The following GABRB1 variants were observed in gnomAD, a reference collection of about 807,000 sequenced individuals.
GABRB1 encodes the protein gamma-aminobutyric acid type A receptor subunit beta1.
In GABRB1, 17 loss-of-function variants were observed where a neutral mutation model predicts 51.6. The ratio of observed to expected loss-of-function variants is 0.33; its 90% CI spans 0.23 to 0.49. The LOEUF (loss-of-function observed/expected upper bound fraction) is 0.49, where lower values mean the gene tolerates loss of function less well. Among genes scored for constraint, GABRB1 ranks in the 20% least tolerant of loss-of-function variants. The pLI is 0.99. For synonymous variants in GABRB1, 247 were observed against 218.9 expected (o/e 1.13, Z -1.14); for missense variants, 410 against 600.6 (o/e 0.68, Z 3.32).
chr4:47,243,790 C>G (rs566648226), intron 4 of GABRB1, among the ~76,000 whole-genome samples: 18 of 152,266 alleles, frequency 1.2e-4, no homozygotes, highest in African/African-American at 4.3e-4. Context: ...TGGGCTGAGA[C>G]AATGGGGTTT....
Position 47,066,955 on chromosome 4 carries a change from T to G in GABRB1, c.240+34471T>G, listed in dbSNP as rs150089061. 2.4e-3 allele frequency among the ~76,000 whole-genome samples: 371 copies of G among 152,272 alleles called. 3 individuals carry two copies. The highest frequency in any genetic ancestry group is 7.9e-3 in the African/African-American group (329 of 41,558). On this transcript the variant is annotated intron_variant, in intron 3 of 8. Coordinates refer to ENST00000295454, the MANE Select transcript of GABRB1 (RefSeq NM_000812.4). ...CTGGTAGCTATAATATTACAAAATG[T>G]TTTCTTAGATAATAGGACTTGAAAC...
intron 4 of GABRB1, among the ~76,000 whole-genome samples, chr4:47,294,116 T>C (rs1453316890): frequency 6.6e-6 from 1 of 151,996 alleles, no homozygotes; most frequent in Admixed American, 6.6e-5. Flanking sequence ...ATTATCTAGG[T>C]GGGGGGCAGC....
intron 4 of GABRB1, among the ~76,000 whole-genome samples, chr4:47,210,848 C>T (rs1156837965): frequency 2.0e-5 from 3 of 152,166 alleles, no homozygotes; most frequent in East Asian, 1.9e-4. Context: ...GAGACAGCCA[C>T]GGGGGCTATA....
rs1406248788 is a variant in GABRB1, at chr4:47,001,238, G to A, written c.-20+7312G>A. 3.9e-5 allele frequency among the ~76,000 whole-genome samples: 6 copies of A among 152,114 alleles called. No homozygotes were observed. The South Asian group carries it at 8.3e-4, about 21-fold the overall frequency. On this transcript the variant is annotated intron_variant, in intron 1 of 3. Coordinates refer to the GABRB1 transcript ENST00000513567. ...GCTCACTGCAAGCTCCGCCTCCCGG[G>A]TTCACGCCATTCTCCTGCCTCAGCC...
chr4:47,077,149 G>C (rs1295248222), intron 3 of GABRB1, among the ~76,000 whole-genome samples: 1 of 152,172 alleles, frequency 6.6e-6, no homozygotes, highest in Non-Finnish European at 1.5e-5. Context: ...CCACACATCT[G>C]AAAGTGAAAT....
chr4:47,006,861 A>G (rs1433618043), intron 1 of GABRB1, among the ~76,000 whole-genome samples: 6 of 152,196 alleles, frequency 3.9e-5, no homozygotes, highest in African/African-American at 1.4e-4. Context: ...TACTTAAAAG[A>G]GATAAACTTT....
At chr4:47,353,322 A>C (rs1485009113) in intron 5 of GABRB1, among the ~76,000 whole-genome samples, 1 of 152,236 alleles carries the variant, frequency 6.6e-6, no homozygotes, top group Non-Finnish European at 1.5e-5. Context: ...TGTTTTCTCC[A>C]TCAGTGAAGT....
intron 5 of GABRB1, among the ~76,000 whole-genome samples, chr4:47,328,340 T>G (rs1195565933): frequency 7.2e-5 from 11 of 152,228 alleles, no homozygotes; most frequent in South Asian, 2.1e-4. Flanking sequence ...GTCAATTTTG[T>G]CTTTTGTTGC....
At position 47,376,149 on chromosome 4, in the gene GABRB1, T is replaced by C. The variant is rs548163346; in HGVS notation, c.545-27169T>C. Among the ~76,000 whole-genome samples the C allele has an allele frequency of 1.8e-4, 28 of 152,286 alleles. No individual in the cohort carries two copies. The South Asian group carries it at 4.4e-3, about 24-fold the overall frequency. ...AGACTAAAATGTTCCCAAAGGAACA[T>C]TGGAGTTTTGGGTTTGATTGAAAAC... On this transcript the variant is annotated intron_variant, in intron 5 of 8. Coordinates refer to ENST00000295454, the MANE Select transcript of GABRB1 (RefSeq NM_000812.4).
intron 4 of GABRB1, among the ~76,000 whole-genome samples, chr4:47,268,549 C>A (rs1417745355): frequency 1.3e-5 from 2 of 152,104 alleles, no homozygotes; most frequent in Admixed American, 6.5e-5. Context: ...GTAAGAGTAT[C>A]ATTTAATTTT....
intron 5 of GABRB1, among the ~76,000 whole-genome samples, chr4:47,363,019 C>CGCGTGTGTGT (rs1726860903): frequency 8.4e-6 from 1 of 118,946 alleles, no homozygotes; most frequent in Non-Finnish European, 1.9e-5. Flanking sequence ...AGTGTCTAAG[C>CGCGTGTGTGT]GTGTGTGTGT....
intron 4 of GABRB1, among the ~76,000 whole-genome samples, chr4:47,178,650 T>G (rs1410604178): frequency 1.3e-5 from 2 of 152,146 alleles, no homozygotes; most frequent in African/African-American, 4.8e-5. Context: ...GTCATTTTTA[T>G]TCACCCCATA....
At chr4:47,241,163 T>A (rs1395196650) in intron 4 of GABRB1, among the ~76,000 whole-genome samples, 1 of 152,154 alleles carries the variant, frequency 6.6e-6, no homozygotes, top group African/African-American at 2.4e-5. Flanking sequence ...GTAAAAAAAA[T>A]AAAACCTGAA....
chr4:47,173,332 G>A (rs1264029441), intron 4 of GABRB1, among the ~76,000 whole-genome samples: 5 of 152,112 alleles, frequency 3.3e-5, no homozygotes, highest in Non-Finnish European at 7.4e-5. Context: ...CCGTATATAT[G>A]TTATTTACAT....
At chr4:47,127,732 G>C (rs914396256) in intron 3 of GABRB1, among the ~76,000 whole-genome samples, 1 of 151,740 alleles carries the variant, frequency 6.6e-6, no homozygotes, top group African/African-American at 2.4e-5. Flanking sequence ...ATAATCTTAG[G>C]GAAGTATATA....
chr4:47,024,115 TG>T (rs1202798719), intron 1 of GABRB1, among the ~76,000 whole-genome samples: 1 of 151,994 alleles, frequency 6.6e-6, no homozygotes, highest in East Asian at 1.9e-4. Context: ...TCTTAGTTTT[TG>T]TTGTTGTTTT....
At chr4:47,166,453 A>C (rs1322108288) in intron 4 of GABRB1, among the ~76,000 whole-genome samples, 1 of 152,070 alleles carries the variant, frequency 6.6e-6, no homozygotes, top group African/African-American at 2.4e-5. Context: ...TTCACTCAAT[A>C]AATAGCAAAT....
At chr4:47,169,347 T>C (rs1037180752) in intron 4 of GABRB1, among the ~76,000 whole-genome samples, 13 of 152,170 alleles carry the variant, frequency 8.5e-5, no homozygotes, top group Non-Finnish European at 1.8e-4. Context: ...TCTAAACAAG[T>C]TATTTTCCAT....
chr4:47,215,845 T>G (rs1400325899), intron 4 of GABRB1, among the ~76,000 whole-genome samples: 1 of 152,094 alleles, frequency 6.6e-6, no homozygotes, highest in African/African-American at 2.4e-5. Flanking sequence ...GAATGAATAC[T>G]GCCTCTTTAG....
Sources: allele counts gnomAD v4.1 joint callset (sites outside exome capture counted in the v4.1 genomes callset), GRCh38; gene constraint gnomAD v4.1.1; transcripts MANE v1.5; gene names NCBI Gene and HGNC (gene_info 2026-07-23, HGNC 2026-07-21).